DOCK8: variants seen among roughly 807,000 people sequenced by gnomAD.
DOCK8 encodes the protein dedicator of cytokinesis 8, also known as dedicator of cytokinesis protein 8.
A neutral mutation model predicts 245.6 loss-of-function variants in DOCK8; 141 were observed. That is an observed-to-expected ratio of 0.57 (90% confidence interval 0.50 to 0.66). The LOEUF (loss-of-function observed/expected upper bound fraction) is 0.66. Among genes scored for constraint, DOCK8 ranks in the 30% least tolerant of loss-of-function variants. The probability of loss-of-function intolerance (pLI) is 0.00; values close to 1 mark genes in which losing one functional copy is unlikely to be tolerated. For synonymous variants in DOCK8, 1,168 were observed against 970.2 expected (o/e 1.20, Z -3.79); for missense variants, 2,965 against 2,603.4 (o/e 1.14, Z -3.02).
chr9:333,529 AG>A (rs2051146975), intron 10 of DOCK8, among the ~76,000 whole-genome samples: 1 of 151,444 alleles, frequency 6.6e-6, no homozygotes, highest in Non-Finnish European at 1.5e-5. Context: ...TGAACCTGGG[AG>A]GCGGAGGTTG....
At chr9:282,365 T>A (rs569117367) in intron 2 of DOCK8, among the ~76,000 whole-genome samples, 1 of 151,662 alleles carries the variant, frequency 6.6e-6, no homozygotes, top group Admixed American at 6.6e-5. Context: ...TCATCATTTG[T>A]GGCTTTGAAT....
intron 6 of DOCK8, among the ~76,000 whole-genome samples, chr9:314,000 T>C (rs1403329099): frequency 6.6e-6 from 1 of 152,210 alleles, no homozygotes; most frequent in Non-Finnish European, 1.5e-5. Context: ...TTTCCTCAGA[T>C]TAAAAAGCAA....
chr9:247,430 A>G (rs1308775764), intron 1 of DOCK8, among the ~76,000 whole-genome samples: 1 of 152,200 alleles, frequency 6.6e-6, no homozygotes, highest in Non-Finnish European at 1.5e-5. Flanking sequence ...TGTAGCATCC[A>G]TTTGTCATTT....
chr9:316,392 T>G (rs2050348115), intron 6 of DOCK8, among the ~76,000 whole-genome samples: 1 of 152,228 alleles, frequency 6.6e-6, no homozygotes, highest in Admixed American at 6.5e-5. Context: ...ATATTTCTCT[T>G]TAAGTGTTTA....
intron 5 of DOCK8, among the ~76,000 whole-genome samples, chr9:308,469 T>C (rs2049945617): frequency 6.6e-6 from 1 of 152,242 alleles, no homozygotes; most frequent in South Asian, 2.1e-4. Context: ...CTCTCATTCT[T>C]GTGCACCTTC....
chr9:330,733 A>G (rs1365718041), intron 9 of DOCK8, among the ~76,000 whole-genome samples: 1 of 152,196 alleles, frequency 6.6e-6, no homozygotes, highest in Non-Finnish European at 1.5e-5. Flanking sequence ...CCCTTAAGAA[A>G]AGTTTTAGGT....
intron 15 of DOCK8, 55 bp from the exon 16 acceptor site, chr9:370,175 A>G (rs918340595): frequency 2.1e-6 from 3 of 1,449,532 alleles, no homozygotes; most frequent in African/African-American, 2.8e-5. Context: ...ATGATAGTCA[A>G]TTTGATGTAC....
Position 382,646 on chromosome 9 carries a change from C to A in DOCK8, c.2739C>A (p.Ser913=), listed in dbSNP as rs116523732. ...ACCCAGACCTCGCGGGGACACACTC[C>A]GCAGCAGACGAGGAAGTGAAGAACA... ...SSNPDLAGTH[S]AADEEVKNIM... Residue 913 remains serine, a synonymous_variant, in exon 22 of 48, where the codon TCC becomes TCA. Coordinates refer to ENST00000432829, the MANE Select transcript of DOCK8 (RefSeq NM_203447.4). 5 of 1,614,140 alleles carry A rather than the reference C, an allele frequency of 3.1e-6. No individual in the cohort carries two copies. Among genetic ancestry groups the A allele is most frequent in the Non-Finnish European group, 4.2e-6 (5 of 1,180,028 alleles).
chr9:431,337 C>T (rs2056704022), intron 36 of DOCK8, among the ~76,000 whole-genome samples: 1 of 151,948 alleles, frequency 6.6e-6, no homozygotes, highest in African/African-American at 2.4e-5. Flanking sequence ...ATAAATTGGC[C>T]CATGGAAAAA....
Position 400,036 on chromosome 9 carries a change from A to T in DOCK8, c.3234+777A>T, listed in dbSNP as rs1386265312. Among the ~76,000 whole-genome samples the T allele has an allele frequency of 2.8e-4, 36 of 128,406 alleles. 1 individual carries two copies. The East Asian group carries it at 2.9e-3, about 10-fold the overall frequency. 84.2% of individuals were successfully genotyped at this position (128,406 alleles called of 152,430 possible). The stretch of plus-strand genomic sequence containing the variant: ...CATCACCACCACCTCCACCATCACC[A>T]CCACCACCTCCACCATCACCACCTC... On this transcript the variant is annotated intron_variant, in intron 26 of 47. Transcript: ENST00000432829.
intron 2 of DOCK8, among the ~76,000 whole-genome samples, chr9:277,741 A>G (rs915332030): frequency 6.6e-6 from 1 of 152,156 alleles, no homozygotes; most frequent in African/African-American, 2.4e-5. Flanking sequence ...CTGGACCATA[A>G]CGGCTCTGAC....
chr9:273,786 A>G (rs1303458646), intron 2 of DOCK8, among the ~76,000 whole-genome samples: 1 of 38,760 alleles, frequency 2.6e-5, no homozygotes. Flanking sequence ...CTCCTAGTTC[A>G]AGCAATTCTC....
chr9:340,448 G>A (rs552113533), intron 14 of DOCK8, 127 bp downstream of exon 14: 225 of 1,221,360 alleles, frequency 1.8e-4, no homozygotes, highest in Non-Finnish European at 2.4e-4. Flanking sequence ...TGGCAAAACC[G>A]TGTCTCTACA....
intron 24 of DOCK8, among the ~76,000 whole-genome samples, chr9:394,129 C>G (rs2054330384): frequency 6.6e-6 from 1 of 152,136 alleles, no homozygotes; most frequent in Non-Finnish European, 1.5e-5. Flanking sequence ...TCTCTGTTCT[C>G]CCACGTAATG....
rs750135427 is a variant in DOCK8 at position 376,280 on chromosome 9, A to G, written c.2180A>G (p.Gln727Arg). 1 of 1,613,268 alleles carries G rather than the reference A, an allele frequency of 6.2e-7. No individual in the cohort carries two copies. Among genetic ancestry groups the G allele is most frequent in the Non-Finnish European group, 8.5e-7 (1 of 1,179,214 alleles). ...AAGGGAGTATTTAATATTGAAGTGCAAGCTGTTTCTTCTGTACACACCCAG... is the reference window on the plus strand; with the variant it reads ...AAGGGAGTATTTAATATTGAAGTGCGAGCTGTTTCTTCTGTACACACCCAG... ...GHKGVFNIEV[Q>R]AVSSVHTQDN... The change falls in exon 19 of 48, where the codon CAA becomes CGA. Residue 727 changes from glutamine (Q) to arginine (R), a missense_variant. Transcript: ENST00000432829.
At chr9:303,439 G>C (rs1489199951) in intron 4 of DOCK8, among the ~76,000 whole-genome samples, 1 of 152,204 alleles carries the variant, frequency 6.6e-6, no homozygotes, top group Non-Finnish European at 1.5e-5. Context: ...TATACACCAT[G>C]AAATACCACA....
intron 26 of DOCK8, among the ~76,000 whole-genome samples, chr9:404,461 C>A (rs1357052346): frequency 6.6e-6 from 1 of 152,090 alleles, no homozygotes; most frequent in Non-Finnish European, 1.5e-5. Context: ...TCCAATGGGG[C>A]CTTTAATTAG....
intron 1 of DOCK8, among the ~76,000 whole-genome samples, chr9:236,362 G>A (rs1467355885): frequency 6.6e-6 from 1 of 152,210 alleles, no homozygotes; most frequent in Non-Finnish European, 1.5e-5. Flanking sequence ...AGCTGCGTTA[G>A]CTTTGTCTAC....
At chr9:232,386 G>C (rs1263554194) in intron 1 of DOCK8, among the ~76,000 whole-genome samples, 3 of 152,122 alleles carry the variant, frequency 2.0e-5, no homozygotes, top group African/African-American at 7.2e-5. Context: ...GCCAGGCTTT[G>C]GTATCAGGAT....
Sources: gnomAD v4.1 joint callset for allele counts (sites outside exome capture counted in the v4.1 genomes callset) on GRCh38, gnomAD v4.1.1 for gene constraint, MANE v1.5 for transcripts, NCBI Gene and HGNC (gene_info 2026-07-23, HGNC 2026-07-21) for gene names.